DGKK: variants seen among roughly 807,000 people sequenced by gnomAD.
The protein encoded by DGKK is 142 kDa diacylglycerol kinase.
In DGKK, 35 loss-of-function variants were observed where a neutral mutation model predicts 92.2. The observed-to-expected ratio is 0.38, with a 90% confidence interval of 0.29 to 0.50. DGKK has a LOEUF of 0.50. DGKK is among the 20% of genes least tolerant of loss of function. The probability of loss-of-function intolerance (pLI) is 0.92; values close to 1 mark genes in which losing one functional copy is unlikely to be tolerated. For synonymous variants in DGKK, 368 were observed against 360.6 expected (o/e 1.02, Z -0.23); for missense variants, 910 against 992.2 (o/e 0.92, Z 1.11).
chrX:50,432,307 T>A (rs1276816065), intron 1 of DGKK, among the ~76,000 whole-genome samples: 1 of 112,696 alleles, frequency 8.9e-6, no homozygotes, highest in Non-Finnish European at 1.9e-5. Context: ...AGAAAGTTGA[T>A]AATGATGCTA....
In DGKK at chrX:50,367,337, T is replaced by C. The variant is rs1557222585; in HGVS notation, c.*1603A>G. ...AACCTCTCTGGGCATTGGGGTTTGA[T>C]TAGATTTGCCCTGACTGGGAGAAGG... On this transcript the variant is annotated 3_prime_UTR_variant, in exon 28 of 28. Coordinates refer to ENST00000611977, the MANE Select transcript of DGKK (RefSeq NM_001013742.4). 9.0e-6 allele frequency: 1 copy of C among 111,367 alleles called. No individual in the cohort carries two copies. Among genetic ancestry groups the C allele is most frequent in the African/African-American group, 3.3e-5 (1 of 30,616 alleles). The allele number at this position is 111,367 out of a possible 1,213,427, so 9.2% of individuals were successfully genotyped here.
chrX:50,378,578 C>T lies in DGKK; in HGVS notation c.2976G>A (p.Gln992=), dbSNP rs781924899. 8 of 1,199,540 alleles carry T rather than the reference C, an allele frequency of 6.7e-6. No homozygotes were observed. In the South Asian group the frequency reaches 1.3e-4, roughly 19 times the overall value. ...CAGTGCCCACCCAGCCCCTGCCTAC[C>T]TGGGCAATGCGATGATGATGCAGGT... ...IINLHHHRIA[Q]CHEVMITIDG... The change falls in exon 21 of 28, where the codon CAG becomes CAA. Residue 992 remains glutamine, a splice_region_variant and synonymous_variant. Coordinates refer to ENST00000611977, the MANE Select transcript of DGKK (RefSeq NM_001013742.4).
chrX:50,371,438 T>A (rs1924123782), intron 26 of DGKK, among the ~76,000 whole-genome samples: 1 of 112,094 alleles, frequency 8.9e-6, no homozygotes, highest in Non-Finnish European at 1.9e-5. Flanking sequence ...AAAAAACCTA[T>A]CTTGCTTATT....
intron 1 of DGKK, among the ~76,000 whole-genome samples, chrX:50,441,216 T>C (rs1189720580): frequency 9.0e-6 from 1 of 111,725 alleles, no homozygotes; most frequent in Non-Finnish European, 1.9e-5. Flanking sequence ...GGACAGTCTC[T>C]CTTACCTCAA....
chrX:50,382,731 C>T lies in DGKK; in HGVS notation c.2550-128G>A, dbSNP rs926867080. The stretch of plus-strand genomic sequence containing the variant: ...AGGCCCCCTCCACACTGGGCACTAA[C>T]TATAACATTTTTGAGAGGCACATGT... On this transcript the variant is annotated intron_variant, in intron 17 of 27. Coordinates refer to ENST00000611977, the MANE Select transcript of DGKK (RefSeq NM_001013742.4). The T allele has an allele frequency of 6.1e-5, 27 of 440,469 alleles. No individual in the cohort carries two copies. In the African/African-American group the frequency reaches 6.7e-4, roughly 11 times the overall value. 36.3% of individuals were successfully genotyped at this position (440,469 alleles called of 1,213,427 possible). A position where few individuals can be genotyped will look rare whatever the true frequency, so the allele number is the denominator to read the frequency against.
chrX:50,375,919 T>C (rs958423592), intron 24 of DGKK, 105 bp downstream of exon 24: 2 of 967,707 alleles, frequency 2.1e-6, no homozygotes, highest in East Asian at 3.3e-5. Flanking sequence ...TTTCCTGCCA[T>C]ATTTGCCCAG....
intron 1 of DGKK, 91 bp from the exon 2 acceptor site, chrX:50,424,449 A>C: frequency 1.2e-6 from 1 of 808,873 alleles, no homozygotes; most frequent in African/African-American, 2.0e-5. Flanking sequence ...GATATCTAGA[A>C]GGCTCTATCT....
chrX:50,367,158 A>C lies in DGKK; in HGVS notation c.*1782T>G, dbSNP rs1395161154. 8 of 111,363 alleles carry C rather than the reference A, an allele frequency of 7.2e-5. No homozygotes were observed. The highest frequency in any genetic ancestry group is 1.5e-4 in the Non-Finnish European group (8 of 53,098). The allele number at this position is 111,363 out of a possible 1,213,427, so 9.2% of individuals were successfully genotyped here. On this transcript the variant is annotated 3_prime_UTR_variant, in exon 28 of 28. Transcript: ENST00000611977. The stretch of plus-strand genomic sequence containing the variant: ...GCTTGGAATCTGAATTGTGCACCTC[A>C]ATGAACCAGCCATTGGACTGAATCA...
intron 1 of DGKK, among the ~76,000 whole-genome samples, chrX:50,469,000 T>A (rs1407344455): frequency 1.8e-5 from 2 of 109,150 alleles, no homozygotes; most frequent in African/African-American, 6.7e-5. Flanking sequence ...GTAGGGAGAG[T>A]GCAGAGAAAG....
intron 1 of DGKK, among the ~76,000 whole-genome samples, chrX:50,468,256 G>A (rs1557234169): frequency 8.9e-6 from 1 of 112,081 alleles, no homozygotes; most frequent in East Asian, 2.8e-4. Context: ...AGAGGCCAAA[G>A]GGGAGATGCA....
At position 50,420,413 on chromosome X, in the gene DGKK, T is replaced by C. The variant is rs1557229009; in HGVS notation, c.932A>G (p.Glu311Gly). 1 of 1,206,878 alleles carries C rather than the reference T, an allele frequency of 8.3e-7. No homozygotes were observed. Among genetic ancestry groups the C allele is most frequent in the African/African-American group, 1.8e-5 (1 of 57,115 alleles). The change falls in exon 4 of 28, where the codon GAA (glutamate) becomes GGA (glycine). Residue 311 changes from glutamate to glycine, a missense_variant. Transcript: ENST00000611977. ...INIIKTIQQG[E>G]IYKIPAAENN... Reference sequence around the variant, plus strand: ...TACTAGTTTTCTTACCTTATAAATTTCTCCCTGTTGGATGGTTTTTATGAT... The same window carrying C: ...TACTAGTTTTCTTACCTTATAAATTCCTCCCTGTTGGATGGTTTTTATGAT...
At chrX:50,410,328 T>A (rs1557227772) in intron 4 of DGKK, among the ~76,000 whole-genome samples, 1 of 111,907 alleles carries the variant, frequency 8.9e-6, no homozygotes, top group African/African-American at 3.3e-5. Flanking sequence ...AGAATTTTGG[T>A]AGAAATGTGG....
At chrX:50,433,174 G>A (rs1462256464) in intron 1 of DGKK, among the ~76,000 whole-genome samples, 2 of 112,262 alleles carry the variant, frequency 1.8e-5, no homozygotes, top group Admixed American at 9.4e-5. Context: ...GGAGATACAA[G>A]CTCTGGTCTA....
chrX:50,394,954 C>T (rs1924803796), intron 8 of DGKK, among the ~76,000 whole-genome samples: 1 of 109,477 alleles, frequency 9.1e-6, no homozygotes, highest in Non-Finnish European at 1.9e-5. Context: ...GTGCCAGGAC[C>T]CTGAAAAGGG....
intron 1 of DGKK, among the ~76,000 whole-genome samples, chrX:50,427,641 A>G (rs1213668268): frequency 9.4e-6 from 1 of 106,139 alleles, no homozygotes; most frequent in Admixed American, 1.0e-4. Context: ...TCAGTTTAGT[A>G]GCCCCAAGCA....
intron 8 of DGKK, among the ~76,000 whole-genome samples, chrX:50,395,797 C>CAAAAA (rs35132890): frequency 1.1e-3 from 86 of 81,328 alleles, no homozygotes; most frequent in African/African-American, 3.1e-3. Flanking sequence ...AGAACATTGG[C>CAAAAA]AAAAAAAAAA....
intron 8 of DGKK, among the ~76,000 whole-genome samples, chrX:50,397,109 G>A (rs184629912): frequency 6.2e-5 from 7 of 112,068 alleles, no homozygotes; most frequent in African/African-American, 1.9e-4. Flanking sequence ...AGGACAATAC[G>A]AACTTGACTT....
At chrX:50,446,535 T>C (rs1557231887) in intron 1 of DGKK, among the ~76,000 whole-genome samples, 2 of 111,906 alleles carry the variant, frequency 1.8e-5, no homozygotes, top group African/African-American at 3.2e-5. Flanking sequence ...GGATGAAATG[T>C]CTCTGTGTGC....
At chrX:50,398,889 G>T (rs1363607271) in intron 8 of DGKK, among the ~76,000 whole-genome samples, 1 of 111,647 alleles carries the variant, frequency 9.0e-6, no homozygotes, top group Non-Finnish European at 1.9e-5. Flanking sequence ...GCCTGATTTT[G>T]CTCAGCTGAC....
Sources: allele counts gnomAD v4.1 joint callset (sites outside exome capture counted in the v4.1 genomes callset), GRCh38; gene constraint gnomAD v4.1.1; transcripts MANE v1.5; gene names NCBI Gene and HGNC (gene_info 2026-07-23, HGNC 2026-07-21).